Variants in CUX2 observed in about 807,000 individuals in gnomAD.
CUX2 encodes the protein homeobox protein cut-like 2.
In CUX2, 40 loss-of-function variants were observed where a neutral mutation model predicts 144.8. The observed-to-expected ratio is 0.28, with a 90% CI of 0.21 to 0.36. CUX2 has a LOEUF of 0.36. CUX2 is among the 10% of genes least tolerant of loss of function. The pLI is 1.00. For missense variants in CUX2, 1,615 were observed against 1,994.0 expected (o/e 0.81, Z 3.62); for synonymous variants, 827 against 875.6 (o/e 0.94, Z 0.98).
rs200610249 is a variant in CUX2 at position 111,310,578 on chromosome 12, G to A, written c.1796G>A (p.Arg599His). The change falls in exon 15 of 22, where the codon CGC (arginine) becomes CAC (histidine). Residue 599 changes from arginine to histidine, a missense_variant. Physicochemically the swap from Arg to His is conservative, Grantham distance 29. This residue lies in a region of CUX2 where 71 missense variants were observed against 142.3 expected (regional missense o/e 0.50). Transcript: ENST00000261726. This position sits in a 1 kb window ranked among gnomAD's most constrained non-coding sequence, Gnocchi z 7.9. ...ATCCTAGCCCGGCCCAAGCCCTGGCGCAAGCTCACGGTGAAGGGCAAGGAG... is the reference window on the plus strand; with the variant it reads ...ATCCTAGCCCGGCCCAAGCCCTGGCACAAGCTCACGGTGAAGGGCAAGGAG... ...SEILARPKPW[R>H]KLTVKGKEPF... is the part of the protein sequence containing the mutation. 130 of 1,613,862 alleles carry A rather than the reference G, an allele frequency of 8.1e-5. No homozygotes were observed. Among genetic ancestry groups the A allele is most frequent in the Non-Finnish European group, 8.6e-5 (102 of 1,179,982 alleles).
At chr12:111,279,260 G>A (rs1885013021) in intron 4 of CUX2, among the ~76,000 whole-genome samples, 1 of 152,212 alleles carries the variant, frequency 6.6e-6, no homozygotes, top group Non-Finnish European at 1.5e-5. Flanking sequence ...TATAGCAGGA[G>A]AGAAGTAGGT....
rs1304079924 is a variant in CUX2, at chr12:111,203,754, G to A, written c.64-10446G>A. Among the ~76,000 whole-genome samples, 3 of 152,084 alleles carry A rather than the reference G, an allele frequency of 2.0e-5. No individual in the cohort carries two copies. In the East Asian group the frequency reaches 5.8e-4, roughly 29 times the overall value. On this transcript the variant is annotated intron_variant, in intron 1 of 21. Transcript: ENST00000261726. ...ACAGGATCTCTGTGGCCGCCAAGTG[G>A]GGAAGGGGCTGTAGGAGGGTGAAAG...
At chr12:111,113,471 A>G (rs1419670457) in intron 1 of CUX2, among the ~76,000 whole-genome samples, 1 of 151,610 alleles carries the variant, frequency 6.6e-6, no homozygotes, top group East Asian at 1.9e-4. Flanking sequence ...CTCTGACCAC[A>G]TTGCTTTGCC....
At chr12:111,169,613 G>A (rs1215692945) in intron 1 of CUX2, among the ~76,000 whole-genome samples, 1 of 152,186 alleles carries the variant, frequency 6.6e-6, no homozygotes, top group Non-Finnish European at 1.5e-5. Context: ...CTTTTAAAGA[G>A]GAAAAAGCCT....
At chr12:111,062,109 G>A (rs975493720) in intron 1 of CUX2, among the ~76,000 whole-genome samples, 2 of 152,216 alleles carry the variant, frequency 1.3e-5, no homozygotes, top group Admixed American at 6.5e-5. Flanking sequence ...AGCCGCCGGC[G>A]GGTCTGCCAT....
rs1877707064 is a variant in CUX2 at position 111,160,754 on chromosome 12, A to C, written c.64-53446A>C. ...GGCCTGGAGGAGGAGGCTTGGTGAC[A>C]GAAGATGGCTTGGACTTGGCCTTAG... On this transcript the variant is annotated intron_variant, in intron 1 of 21. Transcript: ENST00000261726. This position sits in a 1 kb window ranked among gnomAD's most constrained non-coding sequence, Gnocchi z 4.1. Among the ~76,000 whole-genome samples, 1 of 152,124 alleles carries C rather than the reference A, an allele frequency of 6.6e-6. No individual in the cohort carries two copies.
At chr12:111,282,607 CA>C in intron 4 of CUX2, among the ~76,000 whole-genome samples, 1 of 118,660 alleles carries the variant, frequency 8.4e-6, no homozygotes, top group Admixed American at 1.0e-4. Context: ...GCCTGGGCAA[CA>C]AGCGTGAAAC....
chr12:111,076,594 G>C (rs1479089693), intron 1 of CUX2, among the ~76,000 whole-genome samples: 22 of 152,202 alleles, frequency 1.4e-4, no homozygotes, highest in African/African-American at 4.6e-4. Context: ...CTCTTCTGGG[G>C]TCTCTCAGTA....
At chr12:111,338,025 C>T (rs1178037050) in intron 19 of CUX2, among the ~76,000 whole-genome samples, 1 of 151,432 alleles carries the variant, frequency 6.6e-6, no homozygotes, top group Non-Finnish European at 1.5e-5. Context: ...TAGAGTGAAA[C>T]TCTGTCTCAA....
At chr12:111,109,401 A>G (rs1873802814) in intron 1 of CUX2, among the ~76,000 whole-genome samples, 1 of 152,192 alleles carries the variant, frequency 6.6e-6, no homozygotes, top group African/African-American at 2.4e-5. Context: ...CATAGTTGCA[A>G]GTGTAACAGA....
chr12:111,308,227 A>T (rs566155947), intron 12 of CUX2, 58 bp from the exon 13 acceptor site: 1 of 1,599,914 alleles, frequency 6.3e-7, no homozygotes. Context: ...CTCTTGAAAG[A>T]CCTCTCCTCC....
At chr12:111,241,614 G>A (rs1219298814) in intron 3 of CUX2, among the ~76,000 whole-genome samples, 1 of 152,256 alleles carries the variant, frequency 6.6e-6, no homozygotes, top group Non-Finnish European at 1.5e-5. Context: ...TACTCCAACA[G>A]TTGAGAGTTA....
intron 1 of CUX2, among the ~76,000 whole-genome samples, chr12:111,133,466 A>G (rs1875639604): frequency 6.6e-6 from 1 of 152,236 alleles, no homozygotes; most frequent in African/African-American, 2.4e-5. Context: ...ATGAAGAAGC[A>G]AAAACGGAAA....
At chr12:111,249,437 C>CT (rs1359905002) in intron 3 of CUX2, among the ~76,000 whole-genome samples, 4,032 of 101,062 alleles carry the variant, frequency 0.04, 498 homozygotes, top group African/African-American at 0.18. Flanking sequence ...TTAATAGACC[C>CT]TTTTTTTGTT....
chr12:111,039,372 C>T lies in CUX2; in HGVS notation c.63+5132C>T, dbSNP rs932856461. Among the ~76,000 whole-genome samples, 17 of 152,080 alleles carry T rather than the reference C, an allele frequency of 1.1e-4. No individual in the cohort carries two copies. Among genetic ancestry groups the T allele is most frequent in the Non-Finnish European group, 2.1e-4 (14 of 68,018 alleles). On this transcript the variant is annotated intron_variant, in intron 1 of 21. Coordinates refer to ENST00000261726, the MANE Select transcript of CUX2 (RefSeq NM_015267.4). This position sits in a 1 kb window ranked among gnomAD's most constrained non-coding sequence, Gnocchi z 4.2. ...GGTAGAGGTTGGCAGGGGGGAAGGACCCCAAGAACTGTATTCTGTGTGGCC... is the reference window on the plus strand; with the variant it reads ...GGTAGAGGTTGGCAGGGGGGAAGGATCCCAAGAACTGTATTCTGTGTGGCC...
At chr12:111,346,366 C>A (rs530081765) in intron 21 of CUX2, among the ~76,000 whole-genome samples, 1 of 151,100 alleles carries the variant, frequency 6.6e-6, no homozygotes, top group East Asian at 2.0e-4. Context: ...ATCCCAGTTG[C>A]TCGGGAAGCT....
At chr12:111,180,715 G>A (rs1033275708) in intron 1 of CUX2, among the ~76,000 whole-genome samples, 7 of 152,222 alleles carry the variant, frequency 4.6e-5, no homozygotes, top group African/African-American at 1.7e-4. Context: ...CTGCAGCTGT[G>A]GTGGCCCCAT....
At chr12:111,232,605 T>C (rs1162618741) in intron 3 of CUX2, among the ~76,000 whole-genome samples, 3 of 152,210 alleles carry the variant, frequency 2.0e-5, no homozygotes. Context: ...TCGGAGGATT[T>C]TGGTATCCTC....
intron 1 of CUX2, among the ~76,000 whole-genome samples, chr12:111,159,509 AT>A (rs149082211): frequency 0.025 from 3,822 of 152,240 alleles, 158 homozygotes; most frequent in African/African-American, 0.086. Context: ...GTTTGAGAAC[AT>A]TTTTGGGTAG....
Sources: gnomAD v4.1 joint callset for allele counts (sites outside exome capture counted in the v4.1 genomes callset) on GRCh38, gnomAD v4.1.1 for gene constraint, gnomAD v4.1.1 regional missense constraint, Gnocchi (gnomAD v3.1) non-coding constraint, MANE v1.5 for transcripts, NCBI Gene and HGNC (gene_info 2026-07-23, HGNC 2026-07-21) for gene names.